The following ZRANB3 variants were observed in gnomAD, a reference collection of about 807,000 sequenced individuals.
ZRANB3 encodes DNA annealing helicase and endonuclease ZRANB3.
ZRANB3 carries 125 observed loss-of-function variants against 133.8 expected under a neutral mutation model. The observed-to-expected ratio is 0.93, with a 90% CI of 0.81 to 1.08. The LOEUF (loss-of-function observed/expected upper bound fraction) is 1.08. Among genes scored for constraint, ZRANB3 ranks in the 50% least tolerant of loss-of-function variants. The pLI is 0.00. For synonymous variants in ZRANB3, 387 were observed against 432.7 expected (o/e 0.89, Z 1.31); for missense variants, 1,229 against 1,275.5 (o/e 0.96, Z 0.56).
chr2:135,422,588 C>T (rs546941252), intron 2 of ZRANB3, among the ~76,000 whole-genome samples: 8 of 151,966 alleles, frequency 5.3e-5, no homozygotes, highest in Admixed American at 2.0e-4. Context: ...ACTTGAAAAG[C>T]GCCTTAACAG....
intron 8 of ZRANB3, among the ~76,000 whole-genome samples, chr2:135,284,203 T>G (rs1367837515): frequency 6.6e-6 from 1 of 152,160 alleles, no homozygotes; most frequent in Non-Finnish European, 1.5e-5. Context: ...TAAAATAAGA[T>G]AAAAGTACCT....
Position 135,271,797 on chromosome 2 carries a change from C to T in ZRANB3, c.1177G>A (p.Ala393Thr). ...QFQKDPDTRV[A>T]ILSIQAAGQG... is the part of the protein sequence containing the mutation. The stretch of plus-strand genomic sequence containing the variant: ...CCAGCAGCCTGAATGCTTAGGATAG[C>T]CACGCGAGTGTCAGGATCCTTTTGA... The change falls in exon 10 of 21, where the codon GCT becomes ACT. Residue 393 changes from alanine to threonine, a missense_variant. By Grantham distance (58) the Ala-to-Thr change is moderately conservative (BLOSUM62 0). Transcript: ENST00000264159. The T allele has an allele frequency of 1.2e-6, 2 of 1,613,582 alleles. No individual in the cohort carries two copies. Among genetic ancestry groups the T allele is most frequent in the African/African-American group, 1.3e-5 (1 of 75,026 alleles).
At chr2:135,315,337 T>C (rs1433216729) in intron 7 of ZRANB3, 22 bp downstream of exon 7, 1 of 1,490,404 alleles carries the variant, frequency 6.7e-7, no homozygotes, top group Non-Finnish European at 8.9e-7. Context: ...AGTAAGACTT[T>C]AAATCAAGCA....
intron 1 of ZRANB3, among the ~76,000 whole-genome samples, chr2:135,515,479 T>C (rs926950909): frequency 6.6e-6 from 1 of 152,218 alleles, no homozygotes; most frequent in African/African-American, 2.4e-5. Flanking sequence ...TTCTGGTACG[T>C]TGTGTCTTTG....
At chr2:135,463,742 C>T (rs1690867894) in intron 2 of ZRANB3, among the ~76,000 whole-genome samples, 1 of 152,120 alleles carries the variant, frequency 6.6e-6, no homozygotes, top group African/African-American at 2.4e-5. Flanking sequence ...TTAACAACTG[C>T]CTGTTACCCC....
chr2:135,218,267 G>A (rs1694393134), intron 16 of ZRANB3, among the ~76,000 whole-genome samples: 2 of 152,136 alleles, frequency 1.3e-5, no homozygotes, highest in Admixed American at 1.3e-4. Context: ...GCAAAACTGG[G>A]TGACAGAATG....
chr2:135,348,038 C>T (rs912397713), intron 5 of ZRANB3, among the ~76,000 whole-genome samples: 2 of 152,024 alleles, frequency 1.3e-5, no homozygotes, highest in Non-Finnish European at 2.9e-5. Flanking sequence ...ACGAGCAGAT[C>T]ACTTGAGGCC....
rs1179586360 is a variant in ZRANB3, at chr2:135,504,312, T to C, written c.161+17A>G. 3.7e-6 allele frequency: 6 copies of C among 1,611,898 alleles called. No homozygotes were observed. Among genetic ancestry groups the C allele is most frequent in the Non-Finnish European group, 5.1e-6 (6 of 1,179,138 alleles). ...CCAGGAATTTAACATTTTTAGCATG[T>C]CTTCAAAGAACTTTACCTGCCATTT... is the stretch of plus-strand genomic sequence containing the variant. On this transcript the variant is annotated intron_variant, in intron 2 of 20. Coordinates refer to ENST00000264159, the MANE Select transcript of ZRANB3 (RefSeq NM_032143.4).
intron 3 of ZRANB3, among the ~76,000 whole-genome samples, chr2:135,367,476 T>C (rs571624810): frequency 2.0e-5 from 3 of 152,244 alleles, no homozygotes; most frequent in South Asian, 4.1e-4. Flanking sequence ...TGATGTCAAG[T>C]CTTTATAAAC....
chr2:135,419,022 C>T (rs1688720352), intron 2 of ZRANB3, among the ~76,000 whole-genome samples: 1 of 135,446 alleles, frequency 7.4e-6, no homozygotes, highest in African/African-American at 2.7e-5. Flanking sequence ...GCTGCAATCT[C>T]TGCCTCCCGG....
At chr2:135,371,375 T>C (rs1477182765) in intron 3 of ZRANB3, among the ~76,000 whole-genome samples, 1 of 152,224 alleles carries the variant, frequency 6.6e-6, no homozygotes, top group South Asian at 2.1e-4. Context: ...TAGTGCTTTG[T>C]GCTTTTCAAA....
intron 12 of ZRANB3, among the ~76,000 whole-genome samples, chr2:135,256,630 T>C (rs1227257025): frequency 1.3e-5 from 2 of 152,142 alleles, no homozygotes; most frequent in African/African-American, 2.4e-5. Context: ...GCCCAGTGCA[T>C]GTATCCTTTT....
intron 12 of ZRANB3, among the ~76,000 whole-genome samples, chr2:135,262,941 G>A (rs938281700): frequency 4.0e-5 from 6 of 151,790 alleles, no homozygotes; most frequent in Non-Finnish European, 7.4e-5. Context: ...GTGAGACTGG[G>A]GGATTTTACA....
chr2:135,370,761 T>G (rs964677768), intron 3 of ZRANB3, among the ~76,000 whole-genome samples: 2 of 152,192 alleles, frequency 1.3e-5, no homozygotes, highest in African/African-American at 4.8e-5. Flanking sequence ...ATTGATGTGA[T>G]TTGGCTCTGT....
At chr2:135,314,386 A>T (rs1431441000) in intron 7 of ZRANB3, among the ~76,000 whole-genome samples, 1 of 152,198 alleles carries the variant, frequency 6.6e-6, no homozygotes, top group East Asian at 1.9e-4. Context: ...AGAAAATCAG[A>T]TTGTTCTTAT....
At chr2:135,374,368 T>C (rs1477567850) in intron 3 of ZRANB3, among the ~76,000 whole-genome samples, 2 of 152,046 alleles carry the variant, frequency 1.3e-5, no homozygotes, top group Admixed American at 1.3e-4. Context: ...ATCACGCCAC[T>C]ACACTCCAGC....
chr2:135,398,142 T>C (rs930101181), intron 2 of ZRANB3, among the ~76,000 whole-genome samples: 21 of 152,106 alleles, frequency 1.4e-4, no homozygotes, highest in African/African-American at 4.8e-4. Flanking sequence ...CTCCGCTCAC[T>C]GCAAGCTCTG....
chr2:135,497,087 A>C (rs377670971), intron 2 of ZRANB3, among the ~76,000 whole-genome samples: 1 of 152,234 alleles, frequency 6.6e-6, no homozygotes, highest in Non-Finnish European at 1.5e-5. Context: ...TATACAGGAC[A>C]CCGAAAGAGC....
chr2:135,314,352 TTTTC>T (rs1167063572), intron 7 of ZRANB3, among the ~76,000 whole-genome samples: 4 of 152,344 alleles, frequency 2.6e-5, no homozygotes, highest in South Asian at 2.1e-4. Context: ...TCCATTTTAT[TTTTC>T]TTTCTAATAC....
Sources: gnomAD v4.1 joint callset for allele counts (sites outside exome capture counted in the v4.1 genomes callset) on GRCh38, gnomAD v4.1.1 for gene constraint, MANE v1.5 for transcripts, NCBI Gene and HGNC (gene_info 2026-07-23, HGNC 2026-07-21) for gene names.